NSD2: variants seen among roughly 807,000 people sequenced by gnomAD.
The protein encoded by NSD2 is histone-lysine N-methyltransferase NSD2.
A neutral mutation model predicts 139.0 loss-of-function variants in NSD2; 12 were observed. That is an observed-to-expected ratio of 0.09 (90% CI 0.06 to 0.14). The LOEUF (loss-of-function observed/expected upper bound fraction) is 0.14. Ranked by LOEUF, NSD2 falls within the 10% of genes least tolerant of loss-of-function variation. NSD2 has a pLI of 1.00. For synonymous variants in NSD2, 669 were observed against 648.7 expected (o/e 1.03, Z -0.48); for missense variants, 1,155 against 1,745.0 (o/e 0.66, Z 6.02).
At chr4:1,882,949 G>A (rs1239751814) in intron 1 of NSD2, among the ~76,000 whole-genome samples, 1 of 152,196 alleles carries the variant, frequency 6.6e-6, no homozygotes, top group Non-Finnish European at 1.5e-5. Context: ...TGACTGATAA[G>A]TCAGGAGGCT....
Position 1,953,380 on chromosome 4 carries a change from G to A in NSD2, c.2194G>A (p.Val732Ile). ...ESKTDVKRCV[V>I]TQCGKFYHEA... Reference sequence around the variant, plus strand: ...CAAGACAGATGTTAAGCGCTGTGTGGTAACTCAGTGTGGAAAATTTTACCA... The same window carrying A: ...CAAGACAGATGTTAAGCGCTGTGTGATAACTCAGTGTGGAAAATTTTACCA... The change falls in exon 12 of 22, where the codon GTA becomes ATA. Residue 732 changes from valine to isoleucine, a missense_variant. Coordinates refer to ENST00000508803, the MANE Select transcript of NSD2 (RefSeq NM_001042424.3). 1 of 1,614,200 alleles carries A rather than the reference G, an allele frequency of 6.2e-7. No homozygotes were observed. Among genetic ancestry groups the A allele is most frequent in the Non-Finnish European group, 8.5e-7 (1 of 1,180,038 alleles).
At chr4:1,950,717 A>G (rs1445563350) in intron 9 of NSD2, among the ~76,000 whole-genome samples, 2 of 152,236 alleles carry the variant, frequency 1.3e-5, no homozygotes, top group Admixed American at 6.5e-5. Context: ...AGACTAGGTA[A>G]GAAGGGCCAA....
At chr4:1,975,182 A>T in intron 19 of NSD2, 112 bp from the exon 20 acceptor site, 1 of 1,403,792 alleles carries the variant, frequency 7.1e-7, no homozygotes, top group Non-Finnish European at 9.9e-7. Flanking sequence ...GGGTCAAGCC[A>T]GTACAGATAC....
At chr4:1,947,637 T>G in intron 9 of NSD2, 1 of 1,055,606 alleles carries the variant, frequency 9.5e-7, no homozygotes, top group African/African-American at 1.6e-5. Context: ...TAGTCTTGAT[T>G]TCACACTCAT....
Position 1,959,522 on chromosome 4 carries a change from A to G in NSD2, c.3037A>G (p.Ile1013Val). 6.2e-7 allele frequency: 1 copy of G among 1,614,194 alleles called. No homozygotes were observed. Among genetic ancestry groups the G allele is most frequent in the South Asian group, 1.1e-5 (1 of 91,078 alleles). The change falls in exon 17 of 22, where the codon ATC (isoleucine) becomes GTC (valine). Residue 1013 changes from isoleucine to valine, a missense_variant. Physicochemically the swap from Ile to Val is conservative, Grantham distance 29 (BLOSUM62 3). Around this residue, in one of 8 missense-constraint regions of NSD2, gnomAD observed 139 missense variants for 485.8 expected, o/e 0.29. Coordinates refer to ENST00000508803, the MANE Select transcript of NSD2 (RefSeq NM_001042424.3). ...GATCTACACAGCGGATATTTCAGAA[A>G]TCCCTAAGTGCAACTGCAAGCCCAC... is the stretch of plus-strand genomic sequence containing the variant. ...VQIYTADISE[I>V]PKCNCKPTDE...
intron 2 of NSD2, among the ~76,000 whole-genome samples, chr4:1,901,599 G>T (rs1263255007): frequency 2.0e-5 from 3 of 152,238 alleles, no homozygotes; most frequent in Admixed American, 6.5e-5. Flanking sequence ...TCTTTTCATG[G>T]ATCTCATCTC....
intron 9 of NSD2, 166 bp downstream of exon 9, chr4:1,939,944 A>G: frequency 6.8e-7 from 1 of 1,478,966 alleles, no homozygotes; most frequent in Non-Finnish European, 8.9e-7. Context: ...TGAAATGGAC[A>G]AACAGTGCAC....
chr4:1,882,075 C>T (rs1714745122), intron 1 of NSD2, among the ~76,000 whole-genome samples: 1 of 152,162 alleles, frequency 6.6e-6, no homozygotes. Flanking sequence ...AAGAAGATTC[C>T]TCAGATTGCT....
intron 12 of NSD2, 80 bp downstream of exon 12, chr4:1,953,604 C>T (rs932394525): frequency 1.0e-5 from 15 of 1,482,632 alleles, no homozygotes; most frequent in Non-Finnish European, 1.2e-5. Flanking sequence ...GGAAGGTGGG[C>T]TGTTGGGATT....
At chr4:1,951,329 T>G in intron 10 of NSD2, 126 bp downstream of exon 10, 1 of 1,348,948 alleles carries the variant, frequency 7.4e-7, no homozygotes, top group Non-Finnish European at 1.0e-6. Context: ...CGTCACTCAC[T>G]CATCTCTGTT....
intron 9 of NSD2, among the ~76,000 whole-genome samples, chr4:1,949,130 C>T (rs1307100923): frequency 6.6e-6 from 1 of 152,264 alleles, no homozygotes; most frequent in Non-Finnish European, 1.5e-5. Flanking sequence ...CAGGTCTCCA[C>T]TGCTGAGTCC....
intron 5 of NSD2, among the ~76,000 whole-genome samples, chr4:1,925,236 T>C (rs1052839572): frequency 2.6e-5 from 4 of 152,148 alleles, no homozygotes; most frequent in African/African-American, 9.7e-5. Flanking sequence ...GGCTTGTCAG[T>C]TAACCAATGG....
chr4:1,957,943 A>T lies in NSD2; in HGVS notation c.2892A>T (p.Glu964Asp). Reference protein sequence around the residue: ...IGRVFKNALQEAEARFREIKL... With the variant: ...IGRVFKNALQDAEARFREIKL... The stretch of plus-strand genomic sequence containing the variant: ...TCATTGACTTTTTAGCACTGCAAGA[A>T]GCTGAAGCTCGTTTTCGTGAAATTA... The change falls in exon 16 of 22, where the codon GAA (glutamate) becomes GAT (aspartate). Residue 964 changes from glutamate to aspartate, a missense_variant. By Grantham distance (45) the Glu-to-Asp change is conservative. Coordinates refer to ENST00000508803, the MANE Select transcript of NSD2 (RefSeq NM_001042424.3). The T allele has an allele frequency of 6.2e-7, 1 of 1,614,232 alleles. No homozygotes were observed. The highest frequency in any genetic ancestry group is 2.2e-5 in the East Asian group (1 of 44,886).
chr4:1,908,395 T>G (rs1021635658), intron 3 of NSD2, among the ~76,000 whole-genome samples: 1 of 152,248 alleles, frequency 6.6e-6, no homozygotes, highest in Non-Finnish European at 1.5e-5. Flanking sequence ...TTGTGGGATG[T>G]AGAGTAGGAG....
chr4:1,958,039 GGCGTGTGGGAGCTGCGTGCAC>G lies in NSD2; in HGVS notation c.2985+12_2985+32del. ...CCCCACCATACAAGCACATCAAGGTGGCGTGTGGGAGCTGCGTGCACGCGTGTGGAGGGAGTCTTCCCCGAG... is the reference window on the plus strand; with the variant it reads ...CCCCACCATACAAGCACATCAAGGTGGCGTGTGGAGGGAGTCTTCCCCGAG... On this transcript the variant is annotated splice_donor_5th_base_variant and intron_variant, in intron 16 of 21. Coordinates refer to ENST00000508803, the MANE Select transcript of NSD2 (RefSeq NM_001042424.3). The surrounding 1 kb of genome is among the most constrained non-coding windows in gnomAD (Gnocchi z 4.6). 1.2e-6 allele frequency: 2 copies of G among 1,613,204 alleles called. No individual in the cohort carries two copies. The highest frequency in any genetic ancestry group is 1.1e-5 in the South Asian group (1 of 90,996).
chr4:1,953,610 G>T, intron 12 of NSD2, 86 bp downstream of exon 12: 2 of 1,466,980 alleles, frequency 1.4e-6, no homozygotes, highest in South Asian at 1.3e-5. Context: ...TGGGCTGTTG[G>T]GATTGTCACC....
At chr4:1,912,694 C>T (rs1179946847) in intron 3 of NSD2, among the ~76,000 whole-genome samples, 4 of 152,006 alleles carry the variant, frequency 2.6e-5, no homozygotes, top group East Asian at 1.9e-4. Flanking sequence ...CATCTTTTAA[C>T]CCTCCTTCCT....
In NSD2 at chr4:1,974,680, C is replaced by G; in HGVS notation, c.3373-183C>G. 1.1e-6 allele frequency: 1 copy of G among 893,270 alleles called. No individual in the cohort carries two copies. Among genetic ancestry groups the G allele is most frequent in the Non-Finnish European group, 1.9e-6 (1 of 538,466 alleles). 55.3% of individuals were successfully genotyped at this position (893,270 alleles called of 1,614,324 possible). A position where few individuals can be genotyped will look rare whatever the true frequency, so the allele number is the denominator to read the frequency against. On this transcript the variant is annotated intron_variant, in intron 18 of 21. Transcript: ENST00000508803. The surrounding 1 kb of genome is among the most constrained non-coding windows in gnomAD (Gnocchi z 4.0). The stretch of plus-strand genomic sequence containing the variant: ...CCTCTCCACGTGGTCCTGACCTGTC[C>G]TCTGTGAGCAAGAGAAACAGGACTG...
intron 6 of NSD2, among the ~76,000 whole-genome samples, chr4:1,932,977 T>C (rs1721849924): frequency 6.6e-6 from 1 of 152,220 alleles, no homozygotes; most frequent in African/African-American, 2.4e-5. Context: ...AGAGTTTGGC[T>C]GGCTGTGCCA....
Sources: gnomAD v4.1 joint callset for allele counts (sites outside exome capture counted in the v4.1 genomes callset) on GRCh38, gnomAD v4.1.1 for gene constraint, gnomAD v4.1.1 regional missense constraint, Gnocchi (gnomAD v3.1) non-coding constraint, MANE v1.5 for transcripts, NCBI Gene and HGNC (gene_info 2026-07-23, HGNC 2026-07-21) for gene names.